The following LRRC49 variants were observed in gnomAD, a reference collection of about 807,000 sequenced individuals.
The protein encoded by LRRC49 is leucine rich repeat containing 49.
Under a neutral mutation model 83.3 loss-of-function variants are expected in LRRC49, and 50 were observed. The observed-to-expected ratio is 0.60, with a 90% CI of 0.48 to 0.76. The LOEUF (loss-of-function observed/expected upper bound fraction) is 0.76. Among genes scored for constraint, LRRC49 ranks in the 30% least tolerant of loss-of-function variants. The pLI is 0.00. For synonymous variants in LRRC49, 286 were observed against 283.3 expected, an observed-to-expected ratio of 1.01 and a Z score of -0.10; for missense variants, 704 against 809.1, an observed-to-expected ratio of 0.87 and a Z score of 1.58.
At chr15:70,937,672 T>G (rs1203220853) in intron 8 of LRRC49, among the ~76,000 whole-genome samples, 1 of 152,224 alleles carries the variant, frequency 6.6e-6, no homozygotes, top group African/African-American at 2.4e-5. Context: ...GTTGGCATGT[T>G]TTTTGCATGT....
chr15:70,911,706 T>C lies in LRRC49; in HGVS notation c.567+108T>C, dbSNP rs185780448. 150 of 674,094 alleles carry C rather than the reference T, an allele frequency of 2.2e-4. 2 individuals are homozygous for C. In the East Asian group the frequency reaches 3.3e-3, roughly 15 times the overall value. The allele number at this position is 674,094 out of a possible 1,614,324, so 41.8% of individuals were successfully genotyped here. A position where few individuals can be genotyped will look rare whatever the true frequency, so the allele number is the denominator to read the frequency against. On this transcript the variant is annotated intron_variant, in intron 6 of 15. Coordinates refer to ENST00000260382, the MANE Select transcript of LRRC49 (RefSeq NM_017691.5). ...ATTGAATTTTTCAAGAGTTTCTTTA[T>C]TGATTCACTGAAATTTCTAAGGTAT... is the stretch of plus-strand genomic sequence containing the variant.
intron 14 of LRRC49, among the ~76,000 whole-genome samples, chr15:71,031,353 C>T (rs531357844): frequency 2.0e-5 from 3 of 152,346 alleles, no homozygotes; most frequent in African/African-American, 7.2e-5. Context: ...TTGCTGCCTG[C>T]TCCTTCCTCT....
chr15:70,973,785 G>A (rs1434687589), intron 9 of LRRC49, among the ~76,000 whole-genome samples: 2 of 152,142 alleles, frequency 1.3e-5, no homozygotes, highest in Non-Finnish European at 2.9e-5. Context: ...CACAAATTGT[G>A]ACAGTCAACT....
Position 70,963,781 on chromosome 15 carries a change from G to C in LRRC49, c.774-4G>C, listed in dbSNP as rs749391630. The C allele has an allele frequency of 1.1e-5, 18 of 1,612,418 alleles. No homozygotes were observed. The highest frequency in any genetic ancestry group is 1.5e-5 in the Non-Finnish European group (18 of 1,179,076). On this transcript the variant is annotated splice_region_variant and splice_polypyrimidine_tract_variant and intron_variant, in intron 8 of 15. Transcript: ENST00000260382. ...TAATCCAGTGGTTTCTGTCTCTCCT[G>C]CAGTTTTGACAGTGTTTCCTGCCTT...
In LRRC49 at chr15:70,979,391, G is replaced by A. The variant is rs527662510; in HGVS notation, c.922-710G>A. Among the ~76,000 whole-genome samples, 134 of 151,570 alleles carry A rather than the reference G, an allele frequency of 8.8e-4. 1 individual carries two copies. Among genetic ancestry groups the A allele is most frequent in the African/African-American group, 3.2e-3 (131 of 41,416 alleles). ...AAGGTGTACAGTGTGGTGATTTGAT[G>A]TGTATGATAAAATGATTACCACAAT... On this transcript the variant is annotated intron_variant, in intron 9 of 15. Transcript: ENST00000260382.
chr15:70,903,378 T>G (rs986493902), intron 4 of LRRC49, among the ~76,000 whole-genome samples: 3 of 152,070 alleles, frequency 2.0e-5, no homozygotes, highest in Non-Finnish European at 4.4e-5. Flanking sequence ...TGAAATGAAT[T>G]ATAAAATTAA....
chr15:70,984,234 C>G lies in LRRC49; in HGVS notation c.1146C>G (p.Leu382=), dbSNP rs757871855. The change falls in exon 11 of 16, where the codon CTC becomes CTG. Residue 382 remains leucine, a synonymous_variant. Transcript: ENST00000260382. ...QDPCQIDGST[L]SAFPEETGPL... ...CCTGTCAGATTGATGGAAGCACCCT[C>G]TCTGCATTCCCAGAGGAAACAGGGT... is the stretch of plus-strand genomic sequence containing the variant. 4 of 1,612,178 alleles carry G rather than the reference C, an allele frequency of 2.5e-6. No homozygotes were observed. Among genetic ancestry groups the G allele is most frequent in the African/African-American group, 2.7e-5 (2 of 74,860 alleles).
intron 14 of LRRC49, among the ~76,000 whole-genome samples, chr15:71,027,018 A>G (rs1201931236): frequency 6.6e-6 from 1 of 152,196 alleles, no homozygotes; most frequent in African/African-American, 2.4e-5. Context: ...GTCTTTGCCC[A>G]TGACTATGTC....
intron 2 of LRRC49, chr15:70,894,494 C>T: frequency 6.3e-6 from 3 of 479,964 alleles, no homozygotes; most frequent in African/African-American, 6.1e-5. Flanking sequence ...TCTAGCATTT[C>T]TAGAATTTCT....
intron 4 of LRRC49, 27 bp from the exon 5 acceptor site, chr15:70,904,525 T>C: frequency 6.7e-7 from 1 of 1,482,958 alleles, no homozygotes; most frequent in Non-Finnish European, 9.4e-7. Context: ...AATCATAACC[T>C]AATTAACTTT....
Position 70,871,639 on chromosome 15 carries a change from C to T in LRRC49, c.-298-1269C>T, listed in dbSNP as rs556753460. ...GCAGAGACGCTCCTCACTTCCCAGA[C>T]GGGGCGGCTGCTGGGCGGAGGGGCT... On this transcript the variant is annotated intron_variant, in intron 1 of 16. Transcript: ENST00000544974. Among the ~76,000 whole-genome samples the T allele has an allele frequency of 2.4e-4, 36 of 151,958 alleles. No homozygotes were observed. The South Asian group carries it at 6.7e-3, about 28-fold the overall frequency.
chr15:71,039,419 G>A (rs1269503635), intron 15 of LRRC49, among the ~76,000 whole-genome samples: 1 of 152,160 alleles, frequency 6.6e-6, no homozygotes, highest in Non-Finnish European at 1.5e-5. Context: ...TATGTATATA[G>A]TTGTGTTTGG....
intron 8 of LRRC49, among the ~76,000 whole-genome samples, chr15:70,960,028 G>A (rs1380096098): frequency 2.0e-5 from 3 of 152,172 alleles, no homozygotes; most frequent in Admixed American, 2.0e-4. Flanking sequence ...ATTTAGTTTA[G>A]AGTCCAGTTT....
chr15:70,875,996 T>A (rs2033144481), intron 2 of LRRC49, among the ~76,000 whole-genome samples: 1 of 152,212 alleles, frequency 6.6e-6, no homozygotes. Context: ...CTCTTGAATA[T>A]TCAGAAGTTA....
intron 14 of LRRC49, among the ~76,000 whole-genome samples, chr15:71,017,254 A>G (rs1713551): frequency 0.46 from 69,934 of 151,962 alleles, 16,375 homozygotes; most frequent in East Asian, 0.64. Context: ...TTAATTCCCA[A>G]TCACAAATCC....
intron 9 of LRRC49, among the ~76,000 whole-genome samples, chr15:70,972,440 G>T (rs988463481): frequency 6.6e-6 from 1 of 152,084 alleles, no homozygotes; most frequent in African/African-American, 2.4e-5. Flanking sequence ...TTCAACCTTG[G>T]TGTATCTGAT....
intron 7 of LRRC49, among the ~76,000 whole-genome samples, chr15:70,933,847 G>A (rs2035501953): frequency 6.6e-6 from 1 of 152,140 alleles, no homozygotes; most frequent in African/African-American, 2.4e-5. Flanking sequence ...AGTGAGTCTT[G>A]GACCATGATG....
chr15:71,017,163 A>G (rs932887831), intron 14 of LRRC49, among the ~76,000 whole-genome samples: 5 of 152,172 alleles, frequency 3.3e-5, no homozygotes, highest in African/African-American at 1.2e-4. Context: ...AAGCTTAAAA[A>G]TGAATATTTA....
chr15:70,957,721 C>G (rs941653190), intron 8 of LRRC49, among the ~76,000 whole-genome samples: 4 of 152,134 alleles, frequency 2.6e-5, no homozygotes, highest in South Asian at 2.1e-4. Context: ...TACCTCTGCT[C>G]TTCACATTAG....
Sources: allele counts gnomAD v4.1 joint callset (sites outside exome capture counted in the v4.1 genomes callset), GRCh38; gene constraint gnomAD v4.1.1; transcripts MANE v1.5; gene names NCBI Gene and HGNC (gene_info 2026-07-23, HGNC 2026-07-21).